LHX4: variants seen among roughly 807,000 people sequenced by gnomAD.
The protein encoded by LHX4 is LIM/homeobox protein Lhx4.
A neutral mutation model predicts 39.2 loss-of-function variants in LHX4; 16 were observed. That is an observed-to-expected ratio of 0.41 (90% CI 0.28 to 0.62). The LOEUF (loss-of-function observed/expected upper bound fraction) is 0.62, where lower values mean the gene tolerates loss of function less well. Among genes scored for constraint, LHX4 ranks in the 20% least tolerant of loss-of-function variants. LHX4 has a pLI of 0.33. For synonymous variants in LHX4, 206 were observed against 198.1 expected (o/e 1.04, Z -0.33); for missense variants, 439 against 511.9 (o/e 0.86, Z 1.37).
chr1:180,245,550 G>A (rs1647350903), intron 1 of LHX4, among the ~76,000 whole-genome samples: 1 of 152,224 alleles, frequency 6.6e-6, no homozygotes, highest in Non-Finnish European at 1.5e-5. Context: ...TCTCTGCAGG[G>A]ATTCTTATGA....
intron 2 of LHX4, among the ~76,000 whole-genome samples, chr1:180,251,278 C>G (rs1647616442): frequency 6.6e-6 from 1 of 152,212 alleles, no homozygotes; most frequent in Non-Finnish European, 1.5e-5. Flanking sequence ...TGCTCCATTC[C>G]CAGGCATGCT....
Position 180,268,480 on chromosome 1 carries a change from C to T in LHX4, c.451+1886C>T, listed in dbSNP as rs770100846. On this transcript the variant is annotated intron_variant, in intron 3 of 5. Transcript: ENST00000263726. The stretch of plus-strand genomic sequence containing the variant: ...ACCTCTGCAGGATGATGGAAGATGC[C>T]GGACTTGCTGTCAGAAGCTGGCTGG... 4.6e-5 allele frequency among the ~76,000 whole-genome samples: 7 copies of T among 152,184 alleles called. 1 individual carries two copies. The highest frequency in any genetic ancestry group is 4.1e-4 in the South Asian group (2 of 4,830).
At chr1:180,248,935 T>C (rs1647492028) in intron 2 of LHX4, among the ~76,000 whole-genome samples, 3 of 152,370 alleles carry the variant, frequency 2.0e-5, no homozygotes, top group Non-Finnish European at 2.9e-5. Context: ...CCTTAGAGGC[T>C]TGCAAGAGTT....
At chr1:180,237,921 T>G (rs938123667) in intron 1 of LHX4, among the ~76,000 whole-genome samples, 1 of 152,188 alleles carries the variant, frequency 6.6e-6, no homozygotes, top group African/African-American at 2.4e-5. Context: ...AATGTGAAAA[T>G]GGAGTGGAAA....
At chr1:180,248,544 G>A (rs1424628198) in intron 2 of LHX4, 88 bp downstream of exon 2, 1 of 1,467,060 alleles carries the variant, frequency 6.8e-7, no homozygotes, top group Non-Finnish European at 9.5e-7. Context: ...GGGTAGGCCA[G>A]GGAGGGTGGA....
chr1:180,252,884 G>A (rs899858194), intron 2 of LHX4, among the ~76,000 whole-genome samples: 7 of 152,178 alleles, frequency 4.6e-5, no homozygotes, highest in African/African-American at 1.7e-4. Context: ...TGTGGTTGTT[G>A]CATTTTTCTT....
intron 2 of LHX4, among the ~76,000 whole-genome samples, chr1:180,254,240 C>A (rs891997253): frequency 6.6e-6 from 1 of 152,200 alleles, no homozygotes; most frequent in Non-Finnish European, 1.5e-5. Context: ...CAGGGGTCTC[C>A]CTGCCCCTGA....
chr1:180,230,639 T>C lies in LHX4; in HGVS notation c.76+34T>C. On this transcript the variant is annotated intron_variant, in intron 1 of 5. Transcript: ENST00000263726. The surrounding 1 kb of genome is among the most constrained non-coding windows in gnomAD (Gnocchi z 5.8). The stretch of plus-strand genomic sequence containing the variant: ...CCCCCCTTTCTCGCTGATTTAATTC[T>C]AACAAGACAGCTAGCAGCCTCAGCC... 1 of 1,581,212 alleles carries C rather than the reference T, an allele frequency of 6.3e-7. No homozygotes were observed. The highest frequency in any genetic ancestry group is 8.7e-7 in the Non-Finnish European group (1 of 1,151,248).
intron 3 of LHX4, among the ~76,000 whole-genome samples, chr1:180,268,674 G>A (rs1318389425): frequency 6.6e-6 from 1 of 152,200 alleles, no homozygotes; most frequent in Non-Finnish European, 1.5e-5. Flanking sequence ...CTGACGTGGA[G>A]GAGAAGTGCA....
rs550869039 is a variant in LHX4, at chr1:180,233,349, C to T, written c.76+2744C>T. Reference sequence around the variant, plus strand: ...TTTTACCGCGCCTTGGTCGCGCGGCCCCCGGTGCGGGCCTCGTCGCTCCGA... The same window carrying T: ...TTTTACCGCGCCTTGGTCGCGCGGCTCCCGGTGCGGGCCTCGTCGCTCCGA... On this transcript the variant is annotated intron_variant, in intron 1 of 5. Transcript: ENST00000263726. Among the ~76,000 whole-genome samples, 284 of 152,348 alleles carry T rather than the reference C, an allele frequency of 1.9e-3. 1 individual carries two copies. Among genetic ancestry groups the T allele is most frequent in the Non-Finnish European group, 3.2e-3 (217 of 68,026 alleles).
At chr1:180,238,985 C>T (rs1381147690) in intron 1 of LHX4, among the ~76,000 whole-genome samples, 1 of 152,198 alleles carries the variant, frequency 6.6e-6, no homozygotes, top group Non-Finnish European at 1.5e-5. Context: ...GACCAGAAAA[C>T]AGGATTTTAT....
At position 180,271,471 on chromosome 1, in the gene LHX4, G is replaced by A. The variant is rs1339478361; in HGVS notation, c.543G>A (p.Lys181=). ...TLKNAYKNSP[K]PARHVREQLS... ...AGAATGCATACAAGAACTCCCCCAA[G>A]CCTGCCCGGCACGTGAGGGAGCAGC... The change falls in exon 4 of 6, where the codon AAG becomes AAA. Residue 181 remains lysine (K), a synonymous_variant. Transcript: ENST00000263726. 1 of 1,614,196 alleles carries A rather than the reference G, an allele frequency of 6.2e-7. No individual in the cohort carries two copies. The highest frequency in any genetic ancestry group is 1.7e-5 in the Admixed American group (1 of 60,030).
upstream of LHX4, among the ~76,000 whole-genome samples, chr1:180,229,963 G>GCGGGGGGGGGGGGGGGGC (rs1558204889): frequency 1.3e-5 from 1 of 78,228 alleles, no homozygotes; most frequent in Non-Finnish European, 2.8e-5. Flanking sequence ...CGGAGGCGGG[G>GCGGGGGGGGGGGGGGGGC]AGGGGGGGGG....
chr1:180,266,349 C>T lies in LHX4; in HGVS notation c.249-43C>T, dbSNP rs1648312281. ...CAGGAAGTTGGGGGAAGCCAGATCC[C>T]TTGCTCCCTGTGTGCCCTAATCCTT... is the stretch of plus-strand genomic sequence containing the variant. On this transcript the variant is annotated intron_variant, in intron 2 of 5. Coordinates refer to ENST00000263726, the MANE Select transcript of LHX4 (RefSeq NM_033343.4). This position sits in a 1 kb window ranked among gnomAD's most constrained non-coding sequence, Gnocchi z 5.7. The T allele has an allele frequency of 1.2e-6, 2 of 1,605,830 alleles. No individual in the cohort carries two copies. Among genetic ancestry groups the T allele is most frequent in the East Asian group, 4.5e-5 (2 of 44,834 alleles).
At chr1:180,250,948 G>A (rs1647604685) in intron 2 of LHX4, among the ~76,000 whole-genome samples, 3 of 152,344 alleles carry the variant, frequency 2.0e-5, no homozygotes, top group Middle Eastern at 3.4e-3. Context: ...CCTCACCTGG[G>A]CCTTGCCCCT....
chr1:180,244,908 C>T (rs1448721683), intron 1 of LHX4, among the ~76,000 whole-genome samples: 1 of 113,304 alleles, frequency 8.8e-6, no homozygotes, highest in Non-Finnish European at 2.0e-5. Context: ...GCCACTGGGG[C>T]ATGAAGCCCT....
intron 2 of LHX4, among the ~76,000 whole-genome samples, chr1:180,255,667 C>T (rs952699461): frequency 1.3e-5 from 2 of 152,226 alleles, no homozygotes; most frequent in East Asian, 1.9e-4. Context: ...AATTACTTAG[C>T]CCCGAAGCTC....
chr1:180,250,335 G>T (rs1163713461), intron 2 of LHX4, among the ~76,000 whole-genome samples: 1 of 52,302 alleles, frequency 1.9e-5, no homozygotes, highest in East Asian at 2.7e-4. Context: ...GTGTGTGTGT[G>T]TGTGTGTGTG....
intron 1 of LHX4, among the ~76,000 whole-genome samples, chr1:180,231,633 G>C (rs1331901043): frequency 1.4e-5 from 2 of 147,044 alleles, no homozygotes; most frequent in Admixed American, 6.8e-5. Context: ...AGGGCGCCCC[G>C]GGCACCCTGG....
Sources: gnomAD v4.1 joint callset for allele counts (sites outside exome capture counted in the v4.1 genomes callset) on GRCh38, gnomAD v4.1.1 for gene constraint, Gnocchi (gnomAD v3.1) non-coding constraint, MANE v1.5 for transcripts, NCBI Gene and HGNC (gene_info 2026-07-23, HGNC 2026-07-21) for gene names.